The following CAMKMT variants were observed in gnomAD, a reference collection of about 807,000 sequenced individuals.
CAMKMT encodes calmodulin-lysine N-methyltransferase.
CAMKMT carries 53 observed loss-of-function variants against 48.0 expected under a neutral mutation model. That is an observed-to-expected ratio of 1.10 (90% CI 0.89 to 1.39). The LOEUF is 1.39. CAMKMT is among the 40% of genes most tolerant of loss of function. CAMKMT has a pLI of 0.00. For missense variants in CAMKMT, 428 were observed against 402.7 expected (o/e 1.06, Z -0.54); for synonymous variants, 165 against 152.3 (o/e 1.08, Z -0.61).
At chr2:44,542,909 CAGGTT>C (rs1035249075) in intron 3 of CAMKMT, among the ~76,000 whole-genome samples, 12 of 152,122 alleles carry the variant, frequency 7.9e-5, no homozygotes, top group Admixed American at 6.5e-5. Context: ...TCCTGGGTGT[CAGGTT>C]AGAGAGCTTA....
In CAMKMT at chr2:44,381,052, C is replaced by T. The variant is rs187614388; in HGVS notation, c.311+8164C>T. On this transcript the variant is annotated intron_variant, in intron 2 of 10. Transcript: ENST00000378494. The stretch of plus-strand genomic sequence containing the variant: ...GCAGACACCTGTAATCCCAGCTACT[C>T]GGGAGGCTGAGGCAGGAGAATCGCT... Among the ~76,000 whole-genome samples, 68 of 151,994 alleles carry T rather than the reference C, an allele frequency of 4.5e-4. No homozygotes were observed. The East Asian group carries it at 9.9e-3, about 22-fold the overall frequency.
At chr2:44,714,182 G>C (rs1678044951) in intron 6 of CAMKMT, among the ~76,000 whole-genome samples, 1 of 152,180 alleles carries the variant, frequency 6.6e-6, no homozygotes, top group South Asian at 2.1e-4. Context: ...GGTTGTTAGA[G>C]TTAGGCCACA....
At chr2:44,551,978 A>AT (rs201124456) in intron 3 of CAMKMT, among the ~76,000 whole-genome samples, 3 of 151,678 alleles carry the variant, frequency 2.0e-5, no homozygotes, top group East Asian at 3.9e-4. Context: ...TAACATATAG[A>AT]TTTTTTTTTA....
At chr2:44,648,725 A>G (rs1673891805) in intron 3 of CAMKMT, among the ~76,000 whole-genome samples, 1 of 152,234 alleles carries the variant, frequency 6.6e-6, no homozygotes, top group African/African-American at 2.4e-5. Flanking sequence ...GAAATGAGTA[A>G]TCAGACTAAT....
intron 3 of CAMKMT, among the ~76,000 whole-genome samples, chr2:44,523,588 C>A (rs1671239126): frequency 6.7e-6 from 1 of 150,274 alleles, no homozygotes; most frequent in Non-Finnish European, 1.5e-5. Context: ...AGTCACCACA[C>A]CTGTCCAAGG....
rs146494794 is a variant in CAMKMT at position 44,721,975 on chromosome 2, A to T, written c.623+6622A>T. Among the ~76,000 whole-genome samples, 24 of 152,266 alleles carry T rather than the reference A, an allele frequency of 1.6e-4. No individual in the cohort carries two copies. The East Asian group carries it at 4.6e-3, about 29-fold the overall frequency. ...GTTGCTATGCCTTTGCTTATTCTGG[A>T]CATTTCACATAAATGGAAGTGTATA... On this transcript the variant is annotated intron_variant, in intron 7 of 10. Coordinates refer to ENST00000378494, the MANE Select transcript of CAMKMT (RefSeq NM_024766.5).
chr2:44,370,652 A>G (rs562683677), intron 1 of CAMKMT, among the ~76,000 whole-genome samples: 4 of 151,728 alleles, frequency 2.6e-5, no homozygotes, highest in African/African-American at 9.7e-5. Flanking sequence ...ATTAACCTGT[A>G]CTCTTTTAGG....
At chr2:44,617,486 A>G (rs775040201) in intron 3 of CAMKMT, among the ~76,000 whole-genome samples, 2 of 152,258 alleles carry the variant, frequency 1.3e-5, no homozygotes, top group African/African-American at 2.4e-5. Context: ...CAGTCACAAC[A>G]TCTTGATGAT....
At chr2:44,753,411 A>G (rs987508946) in intron 8 of CAMKMT, among the ~76,000 whole-genome samples, 1 of 151,902 alleles carries the variant, frequency 6.6e-6, no homozygotes, top group Non-Finnish European at 1.5e-5. Flanking sequence ...GAAACAAAAA[A>G]AAAAAAAGAA....
chr2:44,743,914 G>C (rs1213871296), intron 8 of CAMKMT, among the ~76,000 whole-genome samples: 1 of 152,218 alleles, frequency 6.6e-6, no homozygotes, highest in African/African-American at 2.4e-5. Context: ...GATTGATTTT[G>C]AGAAGCATTT....
At chr2:44,422,049 C>T (rs1310658699) in intron 3 of CAMKMT, among the ~76,000 whole-genome samples, 1 of 152,122 alleles carries the variant, frequency 6.6e-6, no homozygotes, top group Non-Finnish European at 1.5e-5. Flanking sequence ...CCTGTCAAAT[C>T]TCACATTGAA....
At chr2:44,470,210 C>T (rs1017526761) in intron 3 of CAMKMT, among the ~76,000 whole-genome samples, 1 of 152,088 alleles carries the variant, frequency 6.6e-6, no homozygotes, top group Non-Finnish European at 1.5e-5. Context: ...TTCTAACATT[C>T]TCAATTCTGT....
chr2:44,622,469 G>A (rs1477070029), intron 3 of CAMKMT, among the ~76,000 whole-genome samples: 1 of 152,068 alleles, frequency 6.6e-6, no homozygotes, highest in Non-Finnish European at 1.5e-5. Flanking sequence ...TACCTAATAC[G>A]CAGTTTTTCA....
chr2:44,745,435 T>G (rs1006987687), intron 8 of CAMKMT, among the ~76,000 whole-genome samples: 2 of 152,190 alleles, frequency 1.3e-5, no homozygotes, highest in Non-Finnish European at 2.9e-5. Context: ...AAAACATTCT[T>G]TTTTCCCTAG....
chr2:44,634,814 C>CA (rs1553429753), intron 3 of CAMKMT, among the ~76,000 whole-genome samples: 1 of 60,662 alleles, frequency 1.6e-5, no homozygotes, highest in Non-Finnish European at 3.8e-5. Context: ...AAAAAAAAAG[C>CA]ATTCTAGTCA....
At chr2:44,486,092 G>A (rs981641545) in intron 3 of CAMKMT, among the ~76,000 whole-genome samples, 1 of 152,166 alleles carries the variant, frequency 6.6e-6, no homozygotes, top group Non-Finnish European at 1.5e-5. Context: ...AGCCTCCTGA[G>A]TAGCTGGGAT....
At chr2:44,490,455 A>G (rs1669438946) in intron 3 of CAMKMT, among the ~76,000 whole-genome samples, 1 of 152,092 alleles carries the variant, frequency 6.6e-6, no homozygotes, top group Non-Finnish European at 1.5e-5. Flanking sequence ...TTGTATTTTT[A>G]GTAGAGATGG....
chr2:44,697,957 G>C (rs1677046912), intron 3 of CAMKMT, among the ~76,000 whole-genome samples: 1 of 152,068 alleles, frequency 6.6e-6, no homozygotes, highest in South Asian at 2.1e-4. Flanking sequence ...TGGGGAAAGG[G>C]GCTTGGTGCT....
chr2:44,399,606 T>A (rs1682173264), intron 3 of CAMKMT, among the ~76,000 whole-genome samples: 1 of 151,522 alleles, frequency 6.6e-6, no homozygotes, highest in South Asian at 2.1e-4. Context: ...TCTACACCTC[T>A]TAAATACAAA....
Sources: allele counts gnomAD v4.1 joint callset (sites outside exome capture counted in the v4.1 genomes callset), GRCh38; gene constraint gnomAD v4.1.1; transcripts MANE v1.5; gene names NCBI Gene and HGNC (gene_info 2026-07-23, HGNC 2026-07-21).